LRRC4C: variants seen among roughly 807,000 people sequenced by gnomAD.
LRRC4C encodes leucine-rich repeat-containing protein 4C.
In LRRC4C, 5 loss-of-function variants were observed where a neutral mutation model predicts 33.6. The ratio of observed to expected loss-of-function variants is 0.15; its 90% CI spans 0.08 to 0.31. The LOEUF (loss-of-function observed/expected upper bound fraction) is 0.31. Among genes scored for constraint, LRRC4C ranks in the 10% least tolerant of loss-of-function variants. The pLI, the probability that LRRC4C is intolerant of heterozygous loss-of-function variation, is 1.00. For synonymous variants in LRRC4C, 329 were observed against 302.0 expected, an observed-to-expected ratio of 1.09 and a Z score of -0.93; for missense variants, 560 against 796.7, an observed-to-expected ratio of 0.70 and a Z score of 3.58.
At chr11:40,141,337 T>C (rs1857352723) in intron 5 of LRRC4C, among the ~76,000 whole-genome samples, 1 of 152,062 alleles carries the variant, frequency 6.6e-6, no homozygotes, top group South Asian at 2.1e-4. Context: ...ACAAGAAAGA[T>C]ATAAAATCTT....
At chr11:40,676,517 C>A (rs1451846093) in intron 2 of LRRC4C, among the ~76,000 whole-genome samples, 1 of 152,172 alleles carries the variant, frequency 6.6e-6, no homozygotes. Context: ...TGTTTCATTT[C>A]CTTCAAGCTT....
At chr11:40,691,959 T>C (rs1473644796) in intron 2 of LRRC4C, among the ~76,000 whole-genome samples, 1 of 152,060 alleles carries the variant, frequency 6.6e-6, no homozygotes, top group Non-Finnish European at 1.5e-5. Flanking sequence ...GGGCTTTTCA[T>C]GAAGATAAGA....
intron 3 of LRRC4C, among the ~76,000 whole-genome samples, chr11:40,470,236 C>A (rs536621646): frequency 2.4e-4 from 36 of 152,180 alleles, no homozygotes; most frequent in Non-Finnish European, 4.6e-4. Context: ...GATACCCAGG[C>A]AAACAGGGTC....
chr11:41,203,608 G>T (rs1406920153), intron 1 of LRRC4C, among the ~76,000 whole-genome samples: 1 of 152,166 alleles, frequency 6.6e-6, no homozygotes, highest in African/African-American at 2.4e-5. Flanking sequence ...AAATATAAAG[G>T]TTCTGAAGCC....
intron 3 of LRRC4C, among the ~76,000 whole-genome samples, chr11:40,558,444 G>C (rs558044772): frequency 2.6e-5 from 4 of 152,256 alleles, no homozygotes; most frequent in South Asian, 2.1e-4. Context: ...AAAATATCCA[G>C]ACCAAGCACC....
intron 1 of LRRC4C, among the ~76,000 whole-genome samples, chr11:40,988,713 CTTTTT>C (rs869034558): frequency 8.7e-5 from 5 of 57,744 alleles, no homozygotes; most frequent in Non-Finnish European, 1.7e-4. Flanking sequence ...CTTTTCTTTT[CTTTTT>C]TTTTTTTTTT....
intron 3 of LRRC4C, among the ~76,000 whole-genome samples, chr11:40,401,710 C>T (rs1171023663): frequency 1.3e-5 from 2 of 152,084 alleles, no homozygotes; most frequent in East Asian, 1.9e-4. Flanking sequence ...TGCATGTGCA[C>T]ATTTTCTGGC....
At chr11:40,139,108 A>C (rs1857184189) in intron 6 of LRRC4C, among the ~76,000 whole-genome samples, 2 of 152,210 alleles carry the variant, frequency 1.3e-5, no homozygotes, top group Admixed American at 1.3e-4. Context: ...AGAGAAAGAG[A>C]GGGAGGAAGA....
chr11:41,160,650 G>T (rs1944428589), intron 1 of LRRC4C, among the ~76,000 whole-genome samples: 3 of 152,104 alleles, frequency 2.0e-5, no homozygotes, highest in Admixed American at 2.0e-4. Flanking sequence ...TAACATTCTT[G>T]AGTATGGTGC....
At chr11:40,821,654 A>G (rs1358763169) in intron 2 of LRRC4C, among the ~76,000 whole-genome samples, 1 of 151,578 alleles carries the variant, frequency 6.6e-6, no homozygotes, top group Non-Finnish European at 1.5e-5. Flanking sequence ...TGTAAAAATT[A>G]ATAAATAAAT....
At chr11:40,655,071 T>A (rs1377182839) in intron 2 of LRRC4C, among the ~76,000 whole-genome samples, 3 of 152,248 alleles carry the variant, frequency 2.0e-5, no homozygotes, top group Non-Finnish European at 4.4e-5. Flanking sequence ...CTTTTCTTTA[T>A]AAATTAACCA....
intron 2 of LRRC4C, among the ~76,000 whole-genome samples, chr11:40,769,149 C>A (rs1445497788): frequency 7.3e-5 from 11 of 150,622 alleles, no homozygotes; most frequent in Non-Finnish European, 3.0e-5. Flanking sequence ...GATACAAAAT[C>A]AACATACAAA....
chr11:40,291,539 G>A (rs1944190778), intron 4 of LRRC4C, among the ~76,000 whole-genome samples: 1 of 152,204 alleles, frequency 6.6e-6, no homozygotes, highest in Admixed American at 6.5e-5. Flanking sequence ...TTGGAGAGAA[G>A]TAGGTCCTCC....
At chr11:40,330,147 A>C (rs554590749) in intron 3 of LRRC4C, among the ~76,000 whole-genome samples, 1 of 152,204 alleles carries the variant, frequency 6.6e-6, no homozygotes, top group African/African-American at 2.4e-5. Flanking sequence ...TGAATCTATA[A>C]AAATTACAAT....
chr11:40,635,078 G>C (rs1565583122), intron 3 of LRRC4C, among the ~76,000 whole-genome samples: 1 of 151,676 alleles, frequency 6.6e-6, no homozygotes, highest in Non-Finnish European at 1.5e-5. Flanking sequence ...GTCTAAGGCA[G>C]TCTTACAAAA....
chr11:40,799,481 A>T (rs1408137776), intron 2 of LRRC4C, among the ~76,000 whole-genome samples: 1 of 152,170 alleles, frequency 6.6e-6, no homozygotes, highest in East Asian at 1.9e-4. Flanking sequence ...ATCCTAATAC[A>T]GTCTCTTACT....
chr11:40,628,211 C>A (rs926013361), intron 3 of LRRC4C, among the ~76,000 whole-genome samples: 2 of 152,184 alleles, frequency 1.3e-5, no homozygotes, highest in African/African-American at 4.8e-5. Context: ...GGCGCGGTGG[C>A]TCAAGCCTGT....
intron 4 of LRRC4C, among the ~76,000 whole-genome samples, chr11:40,283,837 T>G (rs1943652847): frequency 6.6e-6 from 1 of 150,928 alleles, no homozygotes; most frequent in Admixed American, 6.6e-5. Context: ...CCTGAGTTGC[T>G]GGGACTATAG....
At chr11:40,631,818 T>A (rs1338452434) in intron 3 of LRRC4C, among the ~76,000 whole-genome samples, 1 of 152,228 alleles carries the variant, frequency 6.6e-6, no homozygotes, top group South Asian at 2.1e-4. Flanking sequence ...AAGGCATATT[T>A]GTGCCACTAT....
Sources: gnomAD v4.1 joint callset for allele counts (sites outside exome capture counted in the v4.1 genomes callset) on GRCh38, gnomAD v4.1.1 for gene constraint, MANE v1.5 for transcripts, NCBI Gene and HGNC (gene_info 2026-07-23, HGNC 2026-07-21) for gene names.